DTNA: variants seen among roughly 807,000 people sequenced by gnomAD.
DTNA encodes dystrobrevin alpha, also known as dystrophin-related protein 3.
Under a neutral mutation model 100.7 loss-of-function variants are expected in DTNA, and 43 were observed. The observed-to-expected ratio is 0.43, with a 90% CI of 0.33 to 0.55. The LOEUF is 0.55. Among genes scored for constraint, DTNA ranks in the 20% least tolerant of loss-of-function variants. The pLI is 0.04. For missense variants in DTNA, 798 were observed against 953.9 expected (o/e 0.84, Z 2.15); for synonymous variants, 349 against 347.9 (o/e 1.00, Z -0.04).
At position 34,853,544 on chromosome 18, in the gene DTNA, C is replaced by A. The variant is rs375069141; in HGVS notation, c.1532+1616C>A. Among the ~76,000 whole-genome samples, 239 of 152,204 alleles carry A rather than the reference C, an allele frequency of 1.6e-3. 1 individual carries two copies. Among genetic ancestry groups the A allele is most frequent in the African/African-American group, 5.4e-3 (223 of 41,536 alleles). On this transcript the variant is annotated intron_variant, in intron 15 of 22. Coordinates refer to ENST00000444659, the MANE Select transcript of DTNA (RefSeq NM_001386795.1). ...CCTGGCTGCCATCATTAGGAAACCA[C>A]AAATTAGGATAGAAATAGCTTCATA...
chr18:34,547,605 A>G (rs1017191495), intron 1 of DTNA, among the ~76,000 whole-genome samples: 2 of 152,160 alleles, frequency 1.3e-5, no homozygotes, highest in Non-Finnish European at 2.9e-5. Context: ...TTTAAACTAT[A>G]TTGGGTTCCT....
intron 1 of DTNA, among the ~76,000 whole-genome samples, chr18:34,549,729 C>G (rs533084420): frequency 6.6e-6 from 1 of 151,986 alleles, no homozygotes; most frequent in East Asian, 1.9e-4. Context: ...CTTTGTTTCT[C>G]TGAGCATTAT....
In DTNA at chr18:34,888,920, G is replaced by T; in HGVS notation, c.*1186G>T. 4 of 985,840 alleles carry T rather than the reference G, an allele frequency of 4.1e-6. No homozygotes were observed. Among genetic ancestry groups the T allele is most frequent in the Non-Finnish European group, 4.8e-6 (4 of 829,932 alleles). 61.1% of individuals were successfully genotyped at this position (985,840 alleles called of 1,614,324 possible). ...CCTGGTGTTCTGCATGTAGCCTTCT[G>T]TGGTCATGTGAAAGGAGACAGGCTC... On this transcript the variant is annotated 3_prime_UTR_variant, in exon 23 of 23. Coordinates refer to ENST00000444659, the MANE Select transcript of DTNA (RefSeq NM_001386795.1).
At chr18:34,671,030 C>T (rs1024167884) in intron 1 of DTNA, among the ~76,000 whole-genome samples, 13 of 152,200 alleles carry the variant, frequency 8.5e-5, no homozygotes, top group Admixed American at 2.6e-4. Context: ...GTGGAGTCTA[C>T]AGAGGCAGGC....
chr18:34,780,936 G>A (rs2094292141), intron 3 of DTNA, among the ~76,000 whole-genome samples: 1 of 152,214 alleles, frequency 6.6e-6, no homozygotes, highest in African/African-American at 2.4e-5. Flanking sequence ...TCCTGCATTG[G>A]TCAATGGTTG....
At chr18:34,860,709 T>C (rs1010601759) in intron 16 of DTNA, among the ~76,000 whole-genome samples, 15 of 152,204 alleles carry the variant, frequency 9.9e-5, no homozygotes, top group African/African-American at 3.4e-4. Flanking sequence ...AACGATCATG[T>C]TTCCCTTTCC....
At chr18:34,572,822 T>G (rs897416435) in intron 1 of DTNA, among the ~76,000 whole-genome samples, 2 of 152,144 alleles carry the variant, frequency 1.3e-5, no homozygotes, top group Non-Finnish European at 2.9e-5. Context: ...AGCTAGGTGG[T>G]TCATCTGCTT....
At chr18:34,513,186 A>C (rs1435197108) in intron 1 of DTNA, among the ~76,000 whole-genome samples, 1 of 152,090 alleles carries the variant, frequency 6.6e-6, no homozygotes, top group African/African-American at 2.4e-5. Context: ...TGTGAGCTGG[A>C]TTTGTTATGC....
intron 13 of DTNA, among the ~76,000 whole-genome samples, chr18:34,840,634 G>T (rs1403064132): frequency 6.6e-6 from 1 of 152,086 alleles, no homozygotes; most frequent in African/African-American, 2.4e-5. Context: ...TGACTTGATG[G>T]TTACTTAAGA....
chr18:34,784,099 G>T (rs1320914417), intron 3 of DTNA, among the ~76,000 whole-genome samples: 1 of 152,102 alleles, frequency 6.6e-6, no homozygotes, highest in Non-Finnish European at 1.5e-5. Context: ...TAGACCTATG[G>T]ATTCAAACTC....
intron 1 of DTNA, among the ~76,000 whole-genome samples, chr18:34,582,325 C>A (rs1208275427): frequency 6.6e-6 from 1 of 152,172 alleles, no homozygotes; most frequent in East Asian, 1.9e-4. Flanking sequence ...GCAGGTTCAC[C>A]TTGGGAAGAC....
At chr18:34,712,243 T>C (rs1453955421) in intron 1 of DTNA, among the ~76,000 whole-genome samples, 1 of 152,096 alleles carries the variant, frequency 6.6e-6, no homozygotes, top group Non-Finnish European at 1.5e-5. Context: ...CAAGCATTTT[T>C]CTTTCCCGCC....
Position 34,887,761 on chromosome 18 carries a change from C to T in DTNA, c.*32-5C>T. On this transcript the variant is annotated splice_polypyrimidine_tract_variant and splice_region_variant and intron_variant, in intron 22 of 22. Coordinates refer to ENST00000444659, the MANE Select transcript of DTNA (RefSeq NM_001386795.1). ...TAAAAAAAATTACACATTCCTTATT[C>T]CCAGGCAAGCTATAGTCAGACAGAT... 1 of 985,456 alleles carries T rather than the reference C, an allele frequency of 1.0e-6. No individual in the cohort carries two copies. Among genetic ancestry groups the T allele is most frequent in the Non-Finnish European group, 1.2e-6 (1 of 829,932 alleles). The allele number at this position is 985,456 out of a possible 1,614,324, so 61.0% of individuals were successfully genotyped here. A position where few individuals can be genotyped will look rare whatever the true frequency, so the allele number is the denominator to read the frequency against.
upstream of DTNA, among the ~76,000 whole-genome samples, chr18:34,707,724 A>G (rs1444335757): frequency 1.1e-4 from 16 of 152,202 alleles, no homozygotes. Flanking sequence ...CCAGCCACAC[A>G]TGAGAATAGG....
chr18:34,750,802 G>GT (rs887115740), intron 1 of DTNA, among the ~76,000 whole-genome samples: 56 of 152,170 alleles, frequency 3.7e-4, no homozygotes, highest in Non-Finnish European at 6.0e-4. Flanking sequence ...TATATCATGC[G>GT]TAATAGTAAT....
intron 1 of DTNA, among the ~76,000 whole-genome samples, chr18:34,703,163 A>G (rs146927070): frequency 2.1e-3 from 322 of 152,306 alleles, no homozygotes; most frequent in African/African-American, 7.7e-3. Flanking sequence ...CTCTGTATGT[A>G]TGTATAGAAG....
intron 3 of DTNA, among the ~76,000 whole-genome samples, chr18:34,768,593 T>A (rs184825403): frequency 4.9e-4 from 75 of 152,304 alleles, no homozygotes; most frequent in Middle Eastern, 3.4e-3. Context: ...ATCCTTATCC[T>A]GCATCCAGAA....
chr18:34,611,832 C>T (rs12967342), intron 1 of DTNA, among the ~76,000 whole-genome samples: 1 of 152,208 alleles, frequency 6.6e-6, no homozygotes, highest in Admixed American at 6.5e-5. Context: ...ATCTCAAGAG[C>T]AGTTTCCAGA....
chr18:34,832,859 G>C (rs1405735734), intron 11 of DTNA, among the ~76,000 whole-genome samples: 1 of 152,028 alleles, frequency 6.6e-6, no homozygotes, highest in Non-Finnish European at 1.5e-5. Flanking sequence ...TAGTGTGATG[G>C]CCTCATTACT....
Sources: gnomAD v4.1 joint callset for allele counts (sites outside exome capture counted in the v4.1 genomes callset) on GRCh38, gnomAD v4.1.1 for gene constraint, MANE v1.5 for transcripts, NCBI Gene and HGNC (gene_info 2026-07-23, HGNC 2026-07-21) for gene names.